Variants in KCNT2 observed in about 807,000 individuals in gnomAD.
The protein encoded by KCNT2 is potassium sodium-activated channel subfamily T member 2.
Under a neutral mutation model 153.8 loss-of-function variants are expected in KCNT2, and 67 were observed. That is an observed-to-expected ratio of 0.44 (90% CI 0.36 to 0.53). The LOEUF (loss-of-function observed/expected upper bound fraction) is 0.53. KCNT2 is among the 20% of genes least tolerant of loss of function. KCNT2 has a pLI of 0.00. For synonymous variants in KCNT2, 500 were observed against 458.8 expected (o/e 1.09, Z -1.15); for missense variants, 975 against 1,354.8 (o/e 0.72, Z 4.40).
In KCNT2 at chr1:196,316,210, T is replaced by C. The variant is rs572955020; in HGVS notation, c.2349-184A>G. Among the ~76,000 whole-genome samples the C allele has an allele frequency of 3.9e-5, 6 of 151,900 alleles. No individual in the cohort carries two copies. In the South Asian group the frequency reaches 1.2e-3, roughly 31 times the overall value. On this transcript the variant is annotated intron_variant, in intron 20 of 27. Coordinates refer to ENST00000294725, the MANE Select transcript of KCNT2 (RefSeq NM_198503.5). Reference sequence around the variant, plus strand: ...AATATTATCTACCAATATGAAATAATTTTTATTTTGGGTACTTTACATGTC... The same window carrying C: ...AATATTATCTACCAATATGAAATAACTTTTATTTTGGGTACTTTACATGTC...
intron 8 of KCNT2, among the ~76,000 whole-genome samples, chr1:196,458,378 A>G (rs545196855): frequency 6.6e-6 from 1 of 151,936 alleles, no homozygotes; most frequent in Non-Finnish European, 1.5e-5. Context: ...AGTTAAGAAT[A>G]TACTGTGGAG....
chr1:196,253,324 G>A (rs140329304), intron 26 of KCNT2, among the ~76,000 whole-genome samples: 52 of 151,292 alleles, frequency 3.4e-4, no homozygotes, highest in Admixed American at 6.6e-4. Context: ...TTTTTCTGTG[G>A]TAGGTATTCT....
chr1:196,481,207 A>G (rs1007962436), intron 4 of KCNT2, among the ~76,000 whole-genome samples: 4 of 152,178 alleles, frequency 2.6e-5, no homozygotes, highest in African/African-American at 9.7e-5. Context: ...ACATACTTAA[A>G]GTAATTCATT....
chr1:196,542,977 G>T (rs1411228279), intron 1 of KCNT2, among the ~76,000 whole-genome samples: 1 of 152,022 alleles, frequency 6.6e-6, no homozygotes, highest in Non-Finnish European at 1.5e-5. Context: ...AGAAAACGCT[G>T]GTGGAACATT....
chr1:196,423,400 A>G (rs755587507), intron 11 of KCNT2, among the ~76,000 whole-genome samples: 3 of 151,844 alleles, frequency 2.0e-5, no homozygotes, highest in African/African-American at 7.2e-5. Flanking sequence ...TTTTATATGC[A>G]TGCTTTGAGT....
In KCNT2 at chr1:196,287,040, A is replaced by G. The variant is rs932730653; in HGVS notation, c.2596-1282T>C. 7.9e-5 allele frequency among the ~76,000 whole-genome samples: 12 copies of G among 152,210 alleles called. No individual in the cohort carries two copies. In the South Asian group the frequency reaches 2.5e-3, roughly 32 times the overall value. ...GGTTCTCGTGGAAGGGAAGCCTCCC[A>G]TCTCACGTGTATCTATAGTGTCTGT... On this transcript the variant is annotated intron_variant, in intron 22 of 27. Coordinates refer to ENST00000294725, the MANE Select transcript of KCNT2 (RefSeq NM_198503.5).
At chr1:196,413,007 T>C (rs2148489719) in intron 12 of KCNT2, among the ~76,000 whole-genome samples, 1 of 151,780 alleles carries the variant, frequency 6.6e-6, no homozygotes, top group South Asian at 2.1e-4. Flanking sequence ...GGATATAAAA[T>C]AGATTAATAA....
At chr1:196,256,709 A>AATATATATATATATATATATAT (rs144323772) in intron 26 of KCNT2, among the ~76,000 whole-genome samples, 103 of 144,130 alleles carry the variant, frequency 7.1e-4, no homozygotes, top group African/African-American at 2.5e-3. Flanking sequence ...TTATCATGGA[A>AATATATATATATATATATATAT]ATATATATAT....
chr1:196,350,906 T>C (rs1395738654), intron 14 of KCNT2, among the ~76,000 whole-genome samples: 18 of 152,166 alleles, frequency 1.2e-4, no homozygotes, highest in Non-Finnish European at 1.9e-4. Context: ...GGATCCAGTT[T>C]CAGCTTTCTA....
chr1:196,496,407 G>A (rs1680258728), intron 1 of KCNT2, among the ~76,000 whole-genome samples: 1 of 151,152 alleles, frequency 6.6e-6, no homozygotes, highest in South Asian at 2.1e-4. Flanking sequence ...GGCAGAGGTT[G>A]CAGTGAGCCG....
At chr1:196,408,585 A>G (rs4480302) in intron 12 of KCNT2, among the ~76,000 whole-genome samples, 3,037 of 151,726 alleles carry the variant, frequency 0.02, 100 homozygotes, top group African/African-American at 0.069. Flanking sequence ...GCTGCATTCC[A>G]TACAATTTAA....
intron 21 of KCNT2, among the ~76,000 whole-genome samples, chr1:196,312,132 G>A (rs191670762): frequency 1.3e-5 from 2 of 151,832 alleles, no homozygotes; most frequent in East Asian, 3.9e-4. Context: ...TCTTCTTTTA[G>A]ATGTGTAAAT....
chr1:196,368,215 C>T (rs1263932732), intron 14 of KCNT2, among the ~76,000 whole-genome samples: 2 of 152,170 alleles, frequency 1.3e-5, no homozygotes, highest in Non-Finnish European at 2.9e-5. Context: ...CACCACTTGC[C>T]TCACCCATTA....
intron 25 of KCNT2, among the ~76,000 whole-genome samples, chr1:196,270,224 T>C (rs2147825192): frequency 6.6e-6 from 1 of 152,124 alleles, no homozygotes; most frequent in South Asian, 2.1e-4. Flanking sequence ...CCATCTACTA[T>C]TTATTTGGTA....
chr1:196,501,644 A>G (rs1025225759), intron 1 of KCNT2, among the ~76,000 whole-genome samples: 29 of 152,162 alleles, frequency 1.9e-4, no homozygotes, highest in African/African-American at 6.3e-4. Flanking sequence ...AATGGGTACA[A>G]TGTTCACTAT....
At chr1:196,471,414 TG>T (rs907016428) in intron 5 of KCNT2, among the ~76,000 whole-genome samples, 30 of 152,224 alleles carry the variant, frequency 2.0e-4, no homozygotes, top group Admixed American at 4.6e-4. Flanking sequence ...AGTTATGCCA[TG>T]TTTTTTTTTA....
intron 26 of KCNT2, chr1:196,257,914 C>A (rs1656656727): frequency 2.1e-6 from 2 of 960,914 alleles, no homozygotes; most frequent in African/African-American, 1.8e-5. Flanking sequence ...CATGAAAACA[C>A]AGGGTCTGGC....
At chr1:196,330,146 A>G (rs1664314579) in intron 18 of KCNT2, among the ~76,000 whole-genome samples, 1 of 150,762 alleles carries the variant, frequency 6.6e-6, no homozygotes, top group African/African-American at 2.4e-5. Context: ...AACTTCAGGG[A>G]AACAAAGGCA....
intron 15 of KCNT2, 56 bp from the exon 16 acceptor site, chr1:196,340,626 G>A (rs773823373): frequency 2.9e-5 from 31 of 1,059,456 alleles, no homozygotes; most frequent in Non-Finnish European, 4.0e-5. Context: ...TTGTAAGGCT[G>A]AGGAAAATAA....
Sources: allele counts gnomAD v4.1 joint callset (sites outside exome capture counted in the v4.1 genomes callset), GRCh38; gene constraint gnomAD v4.1.1; transcripts MANE v1.5; gene names NCBI Gene and HGNC (gene_info 2026-07-23, HGNC 2026-07-21).